Variants in DGKB observed in about 807,000 individuals in gnomAD.
DGKB encodes 90 kDa diacylglycerol kinase.
In DGKB, 67 loss-of-function variants were observed where a neutral mutation model predicts 114.3. The ratio of observed to expected loss-of-function variants is 0.59; its 90% CI spans 0.48 to 0.72. The LOEUF (loss-of-function observed/expected upper bound fraction) is 0.72. DGKB is among the 30% of genes least tolerant of loss of function. DGKB has a pLI of 0.00. For synonymous variants in DGKB, 398 were observed against 323.1 expected, an observed-to-expected ratio of 1.23 and a Z score of -2.49; for missense variants, 907 against 975.2, an observed-to-expected ratio of 0.93 and a Z score of 0.93.
At chr7:14,843,017 G>T (rs992065807) in intron 1 of DGKB, among the ~76,000 whole-genome samples, 9 of 152,036 alleles carry the variant, frequency 5.9e-5, no homozygotes, top group Admixed American at 3.3e-4. Context: ...AGACCAGCCT[G>T]GACAACATAA....
At chr7:14,307,401 C>T (rs1804663417) in intron 23 of DGKB, among the ~76,000 whole-genome samples, 5 of 152,134 alleles carry the variant, frequency 3.3e-5, no homozygotes, top group Non-Finnish European at 5.9e-5. Context: ...CAAGTTTTAA[C>T]ATATTTCTAA....
chr7:14,654,407 G>A (rs1815336149), intron 13 of DGKB, among the ~76,000 whole-genome samples: 3 of 151,972 alleles, frequency 2.0e-5, no homozygotes, highest in Middle Eastern at 6.8e-3. Context: ...AAAATCAAAA[G>A]ACATGCCATG....
intron 22 of DGKB, among the ~76,000 whole-genome samples, chr7:14,341,673 T>C (rs1811622635): frequency 6.6e-6 from 1 of 151,856 alleles, no homozygotes; most frequent in African/African-American, 2.4e-5. Flanking sequence ...ACAAATATAA[T>C]TAAAAGAAAA....
chr7:14,623,455 T>C (rs1009943174), intron 14 of DGKB, among the ~76,000 whole-genome samples: 1 of 152,198 alleles, frequency 6.6e-6, no homozygotes, highest in African/African-American at 2.4e-5. Flanking sequence ...TTATTAAGTA[T>C]AATCACCCTT....
At chr7:14,626,106 C>A (rs1267000635) in intron 14 of DGKB, among the ~76,000 whole-genome samples, 2 of 151,982 alleles carry the variant, frequency 1.3e-5, no homozygotes, top group African/African-American at 2.4e-5. Context: ...AAAAAAAAAT[C>A]TTTGTCTACA....
intron 1 of DGKB, among the ~76,000 whole-genome samples, chr7:14,921,388 ATAT>A (rs1784503193): frequency 6.6e-6 from 1 of 152,178 alleles, no homozygotes; most frequent in African/African-American, 2.4e-5. Context: ...TGCAAAGGTA[ATAT>A]TGTCCTAAAA....
chr7:14,906,564 C>T (rs572352076), upstream of DGKB, among the ~76,000 whole-genome samples: 1 of 150,850 alleles, frequency 6.6e-6, no homozygotes, highest in African/African-American at 2.4e-5. Flanking sequence ...AGCGATTCTC[C>T]TGCCTCAGCC....
At chr7:14,192,005 C>G (rs1784384723) in intron 23 of DGKB, 1 of 529,898 alleles carries the variant, frequency 1.9e-6, no homozygotes, top group Middle Eastern at 5.9e-4. Flanking sequence ...GTGTTGAGAG[C>G]TTTTCTGACT....
At chr7:14,155,896 G>A (rs539859400) in intron 25 of DGKB, among the ~76,000 whole-genome samples, 1 of 152,198 alleles carries the variant, frequency 6.6e-6, no homozygotes, top group South Asian at 2.1e-4. Context: ...TGCATGTGGT[G>A]TTCGGAAGGG....
intron 2 of DGKB, among the ~76,000 whole-genome samples, chr7:14,771,239 T>C (rs879736376): frequency 6.6e-6 from 1 of 152,142 alleles, no homozygotes; most frequent in Non-Finnish European, 1.5e-5. Flanking sequence ...CAAACTTACA[T>C]GTAGACATAT....
At chr7:14,191,841 C>A in intron 23 of DGKB, 1 of 485,186 alleles carries the variant, frequency 2.1e-6, no homozygotes, top group Non-Finnish European at 4.2e-6. Flanking sequence ...GGCTATGTCC[C>A]TGTACTGGAT....
intron 23 of DGKB, among the ~76,000 whole-genome samples, chr7:14,193,130 G>A (rs985458460): frequency 6.6e-6 from 1 of 151,346 alleles, no homozygotes; most frequent in Non-Finnish European, 1.5e-5. Context: ...AGACCCATAC[G>A]CCTGTTTGTG....
chr7:14,622,164 A>G (rs1440699829), intron 14 of DGKB, among the ~76,000 whole-genome samples: 1 of 152,130 alleles, frequency 6.6e-6, no homozygotes, highest in Non-Finnish European at 1.5e-5. Context: ...ATCAGTCTTC[A>G]TCTTCTCAAA....
chr7:14,409,878 CTA>C (rs1824582201), intron 21 of DGKB, among the ~76,000 whole-genome samples: 1 of 152,098 alleles, frequency 6.6e-6, no homozygotes, highest in Non-Finnish European at 1.5e-5. Flanking sequence ...CTTAATAACA[CTA>C]TCTTTTCTCT....
intron 23 of DGKB, among the ~76,000 whole-genome samples, chr7:14,310,429 C>T (rs1805198946): frequency 6.6e-6 from 1 of 152,072 alleles, no homozygotes; most frequent in Non-Finnish European, 1.5e-5. Context: ...ACAGGAGTGG[C>T]AAACATGGAG....
intron 21 of DGKB, among the ~76,000 whole-genome samples, chr7:14,370,943 T>C (rs1418641385): frequency 2.0e-5 from 3 of 152,178 alleles, no homozygotes; most frequent in Non-Finnish European, 4.4e-5. Context: ...TCAGTTAATT[T>C]AGTTAGGACA....
At chr7:14,219,170 CCT>C (rs776042029) in intron 23 of DGKB, among the ~76,000 whole-genome samples, 16 of 151,606 alleles carry the variant, frequency 1.1e-4, no homozygotes, top group Non-Finnish European at 1.9e-4. Context: ...CCATTCATCC[CCT>C]GATTGGCATT....
rs148644574 is a variant in DGKB at position 14,690,286 on chromosome 7, G to A, written c.711+3789C>T. Among the ~76,000 whole-genome samples, 31 of 152,186 alleles carry A rather than the reference G, an allele frequency of 2.0e-4. No homozygotes were observed. In the East Asian group the frequency reaches 5.6e-3, roughly 28 times the overall value. On this transcript the variant is annotated intron_variant, in intron 9 of 25. Coordinates refer to ENST00000402815, the MANE Select transcript of DGKB (RefSeq NM_001350709.2). ...TTCTTGGCTAACTTCTCGTTTTTCC[G>A]GAGACAGCAACTGCCTGGTATAAAA...
chr7:14,546,019 A>G lies in DGKB; in HGVS notation c.1770+28193T>C, dbSNP rs368339954. Among the ~76,000 whole-genome samples, 19 of 152,298 alleles carry G rather than the reference A, an allele frequency of 1.2e-4. No homozygotes were observed. In the South Asian group the frequency reaches 2.5e-3, roughly 20 times the overall value. On this transcript the variant is annotated intron_variant, in intron 20 of 25. Transcript: ENST00000402815. ...ATTAAACTGAATGTTTTCTAAGCAA[A>G]GGAGCTGACTGATAATCATTAGACA...
Sources: gnomAD v4.1 joint callset for allele counts (sites outside exome capture counted in the v4.1 genomes callset) on GRCh38, gnomAD v4.1.1 for gene constraint, MANE v1.5 for transcripts, NCBI Gene and HGNC (gene_info 2026-07-23, HGNC 2026-07-21) for gene names.